The following KLF7 variants were observed in gnomAD, a reference collection of about 807,000 sequenced individuals.
The protein encoded by KLF7 is Krueppel-like factor 7.
Under a neutral mutation model 27.3 loss-of-function variants are expected in KLF7, and 2 were observed. That is an observed-to-expected ratio of 0.07 (90% CI 0.03 to 0.23). KLF7 has a LOEUF of 0.23. Ranked by LOEUF, KLF7 falls within the 10% of genes least tolerant of loss-of-function variation. KLF7 has a pLI of 1.00. For synonymous variants in KLF7, 165 were observed against 162.4 expected, an observed-to-expected ratio of 1.02 and a Z score of -0.12; for missense variants, 221 against 394.1, an observed-to-expected ratio of 0.56 and a Z score of 3.72.
In KLF7 at chr2:207,098,778, ATTTTTTTTT is replaced by A. The variant is rs1182598901; in HGVS notation, c.734-10206_734-10198del. Among the ~76,000 whole-genome samples, 86 of 104,676 alleles carry A rather than the reference ATTTTTTTTT, an allele frequency of 8.2e-4. 1 individual carries two copies. Among genetic ancestry groups the A allele is most frequent in the African/African-American group, 3.3e-3 (82 of 25,200 alleles). 68.7% of individuals were successfully genotyped at this position (104,676 alleles called of 152,430 possible). ...GCTCTGGTGCCACCACACTTGGCTA[ATTTTTTTTT>A]TTTTTTTTTTTTTGTAGAGACGATG... is the stretch of plus-strand genomic sequence containing the variant. On this transcript the variant is annotated intron_variant, in intron 2 of 3. Coordinates refer to ENST00000309446, the MANE Select transcript of KLF7 (RefSeq NM_003709.4).
In KLF7 at chr2:207,135,585, G is replaced by T. The variant is rs141828587; in HGVS notation, c.103-11181C>A. Among the ~76,000 whole-genome samples the T allele has an allele frequency of 2.5e-3, 384 of 152,290 alleles. 2 individuals carry two copies. Among genetic ancestry groups the T allele is most frequent in the African/African-American group, 8.8e-3 (365 of 41,560 alleles). Reference sequence around the variant, plus strand: ...GCATTTGTCAAATGAATGAATGAATGAATGAGTAATTGAATCAACTCCCAA... The same window carrying T: ...GCATTTGTCAAATGAATGAATGAATTAATGAGTAATTGAATCAACTCCCAA... On this transcript the variant is annotated intron_variant, in intron 1 of 3. Transcript: ENST00000309446.
chr2:207,140,693 C>G (rs1216260566), intron 1 of KLF7, among the ~76,000 whole-genome samples: 1 of 152,126 alleles, frequency 6.6e-6, no homozygotes, highest in African/African-American at 2.4e-5. Flanking sequence ...GCCCTGCTCC[C>G]TACATGGAGC....
At chr2:207,164,331 A>G (rs1044346498) in intron 1 of KLF7, among the ~76,000 whole-genome samples, 3 of 152,018 alleles carry the variant, frequency 2.0e-5, no homozygotes, top group African/African-American at 7.2e-5. Flanking sequence ...CCTCCCCCCA[A>G]GGGCAAGCGG....
At chr2:207,143,873 A>G (rs1272745926) in intron 1 of KLF7, among the ~76,000 whole-genome samples, 1 of 152,196 alleles carries the variant, frequency 6.6e-6, no homozygotes, top group Non-Finnish European at 1.5e-5. Flanking sequence ...GAGGAGGCAC[A>G]CTTCCTAGCT....
rs145495628 is a variant in KLF7 at position 207,161,424 on chromosome 2, T to C, written c.102+4043A>G. Among the ~76,000 whole-genome samples the C allele has an allele frequency of 1.0e-3, 157 of 152,332 alleles. 1 individual carries two copies. The highest frequency in any genetic ancestry group is 3.6e-3 in the African/African-American group (149 of 41,574). On this transcript the variant is annotated intron_variant, in intron 1 of 3. Transcript: ENST00000309446. ...CTTTGTGTCTACAAATTTCCCTGGG[T>C]GGTGCTGTTGCCAAGAAATTCTAAT...
intron 1 of KLF7, among the ~76,000 whole-genome samples, chr2:207,149,998 T>A (rs73983198): frequency 6.6e-6 from 1 of 152,184 alleles, no homozygotes; most frequent in East Asian, 1.9e-4. Flanking sequence ...TGAGTCACTG[T>A]AGCCACACAG....
chr2:207,082,353 G>C (rs912564039), intron 3 of KLF7, among the ~76,000 whole-genome samples: 18 of 152,174 alleles, frequency 1.2e-4, no homozygotes, highest in African/African-American at 4.3e-4. Flanking sequence ...TTGTGGTAAA[G>C]AGTTGGCTGG....
chr2:207,136,290 A>G (rs2077786012), intron 1 of KLF7, among the ~76,000 whole-genome samples: 1 of 151,776 alleles, frequency 6.6e-6, no homozygotes, highest in Non-Finnish European at 1.5e-5. Flanking sequence ...AGCAAACCAG[A>G]CTCTACATGA....
chr2:207,167,642 TTGTA>T (rs1471722753), upstream of KLF7, among the ~76,000 whole-genome samples: 1 of 152,236 alleles, frequency 6.6e-6, no homozygotes, highest in African/African-American at 2.4e-5. Context: ...ATAGCATTCA[TTGTA>T]TGAGTATAAT....
chr2:207,154,151 T>C (rs1191719460), intron 1 of KLF7, among the ~76,000 whole-genome samples: 1 of 151,974 alleles, frequency 6.6e-6, no homozygotes, highest in Non-Finnish European at 1.5e-5. Flanking sequence ...AGGGGGAAAA[T>C]GAAATAAAAA....
rs145982619 is a variant in KLF7, at chr2:207,085,111, G to T, written c.857+3347C>A. ...CCGGAGGCAGAGGTTGCAGTGAGCC[G>T]AGATCGCACCACTGCACTCCAGCCT... On this transcript the variant is annotated intron_variant, in intron 3 of 3. Transcript: ENST00000309446. Among the ~76,000 whole-genome samples, 422 of 133,810 alleles carry T rather than the reference G, an allele frequency of 3.2e-3. 4 individuals carry two copies. Among genetic ancestry groups the T allele is most frequent in the African/African-American group, 0.011 (409 of 35,634 alleles). The allele number at this position is 133,810 out of a possible 152,430, so 87.8% of individuals were successfully genotyped here.
In KLF7 at chr2:207,078,335, A is replaced by G. The variant is rs2105836064; in HGVS notation, c.*2878T>C. On this transcript the variant is annotated 3_prime_UTR_variant, in exon 4 of 4. Transcript: ENST00000309446. ...GAGCAGATTACAAAGGACCTCACTG[A>G]TACAAAAGAGAGAGAAATTACTGAA... is the stretch of plus-strand genomic sequence containing the variant. The G allele has an allele frequency of 6.6e-6, 1 of 152,336 alleles. No individual in the cohort carries two copies. The highest frequency in any genetic ancestry group is 2.1e-4 in the South Asian group (1 of 4,832). 9.4% of individuals were successfully genotyped at this position (152,336 alleles called of 1,614,324 possible). A position where few individuals can be genotyped will look rare whatever the true frequency, so the allele number is the denominator to read the frequency against.
chr2:207,150,826 A>C (rs1393239596), intron 1 of KLF7, among the ~76,000 whole-genome samples: 1 of 152,076 alleles, frequency 6.6e-6, no homozygotes, highest in East Asian at 1.9e-4. Context: ...TACTTGCCTC[A>C]CTAAGGCATT....
At chr2:207,082,970 A>G (rs2076309361) in intron 3 of KLF7, among the ~76,000 whole-genome samples, 1 of 152,252 alleles carries the variant, frequency 6.6e-6, no homozygotes, top group Non-Finnish European at 1.5e-5. Context: ...GAGTAAAACG[A>G]AAACCACATA....
intron 2 of KLF7, among the ~76,000 whole-genome samples, chr2:207,106,749 T>C (rs1355807797): frequency 6.6e-6 from 1 of 151,998 alleles, no homozygotes; most frequent in Non-Finnish European, 1.5e-5. Flanking sequence ...AAGAAACACT[T>C]TGGAAAGCTG....
At chr2:207,082,232 G>A (rs980040092) in intron 3 of KLF7, among the ~76,000 whole-genome samples, 1 of 152,198 alleles carries the variant, frequency 6.6e-6, no homozygotes, top group Non-Finnish European at 1.5e-5. Context: ...CAACAGCCAT[G>A]TGACCTGTAA....
chr2:207,125,582 T>C (rs1400206695), intron 1 of KLF7, among the ~76,000 whole-genome samples: 5 of 152,248 alleles, frequency 3.3e-5, no homozygotes, highest in Non-Finnish European at 5.9e-5. Flanking sequence ...CCTAGTAGTG[T>C]TGTATCTGTC....
chr2:207,082,019 G>A (rs1358734548), intron 3 of KLF7, among the ~76,000 whole-genome samples: 1 of 150,290 alleles, frequency 6.7e-6, no homozygotes, highest in Non-Finnish European at 1.5e-5. Flanking sequence ...GCAGAAAGGA[G>A]GGGGGTGAAG....
chr2:207,142,600 C>A (rs774339117), intron 1 of KLF7, among the ~76,000 whole-genome samples: 9 of 152,208 alleles, frequency 5.9e-5, no homozygotes, highest in Non-Finnish European at 1.0e-4. Context: ...ACTCTCCCTG[C>A]AGAGGTCAGT....
Sources: allele counts gnomAD v4.1 joint callset (sites outside exome capture counted in the v4.1 genomes callset), GRCh38; gene constraint gnomAD v4.1.1; transcripts MANE v1.5; gene names NCBI Gene and HGNC (gene_info 2026-07-23, HGNC 2026-07-21).